Variants in WWC1 observed in about 807,000 individuals in gnomAD.
The protein encoded by WWC1 is protein KIBRA.
A neutral mutation model predicts 138.4 loss-of-function variants in WWC1; 55 were observed. The ratio of observed to expected loss-of-function variants is 0.40; its 90% confidence interval spans 0.32 to 0.50. WWC1 has a LOEUF of 0.50. WWC1 is among the 20% of genes least tolerant of loss of function. The pLI, the probability that WWC1 is intolerant of heterozygous loss-of-function variation, is 0.72. For synonymous variants in WWC1, 524 were observed against 564.9 expected, an observed-to-expected ratio of 0.93 and a Z score of 1.03; for missense variants, 1,226 against 1,420.4, an observed-to-expected ratio of 0.86 and a Z score of 2.20.
chr5:168,432,927 T>C (rs918394424), intron 15 of WWC1, among the ~76,000 whole-genome samples: 3 of 152,216 alleles, frequency 2.0e-5, no homozygotes, highest in South Asian at 2.1e-4. Flanking sequence ...CGCCCCTTTC[T>C]CCTGCTGTAA....
chr5:168,438,721 TG>T (rs903971453), intron 15 of WWC1, among the ~76,000 whole-genome samples: 2 of 152,150 alleles, frequency 1.3e-5, no homozygotes, highest in Non-Finnish European at 2.9e-5. Flanking sequence ...GGCTCATTTT[TG>T]CACATGTCGA....
intron 1 of WWC1, chr5:168,316,888 T>C (rs1238445872): frequency 6.6e-6 from 1 of 152,238 alleles, no homozygotes; most frequent in Non-Finnish European, 1.5e-5. Flanking sequence ...ATTCCCTTTC[T>C]CTTCCCTTCT....
chr5:168,388,841 C>A (rs1235278490), intron 3 of WWC1, among the ~76,000 whole-genome samples: 1 of 149,348 alleles, frequency 6.7e-6, no homozygotes, highest in African/African-American at 2.5e-5. Context: ...AAAAAAAAAA[C>A]AAAAAACAAA....
At chr5:168,440,771 C>G (rs1225480337) in intron 15 of WWC1, among the ~76,000 whole-genome samples, 4 of 152,186 alleles carry the variant, frequency 2.6e-5, no homozygotes, top group Non-Finnish European at 5.9e-5. Flanking sequence ...CCCACCTCAG[C>G]CTCCCAAAGT....
chr5:168,424,068 G>A lies in WWC1; in HGVS notation c.1810G>A (p.Ala604Thr). 1 of 1,590,132 alleles carries A rather than the reference G, an allele frequency of 6.3e-7. No homozygotes were observed. The highest frequency in any genetic ancestry group is 8.6e-7 in the Non-Finnish European group (1 of 1,168,516). ...PGTEGKQLGQ[A>T]VNTAQGCGLK... ...AACGGAGGGCAAGCAGCTGGGCCAAGGTAGAGAGCACCATACCCAGAGGGT... is the reference window on the plus strand; with the variant it reads ...AACGGAGGGCAAGCAGCTGGGCCAAAGTAGAGAGCACCATACCCAGAGGGT... The change falls in exon 11 of 23, where the codon GCT becomes ACT. Residue 604 changes from alanine to threonine, a missense_variant and splice_region_variant. Around this residue, in one of 3 missense-constraint regions of WWC1, gnomAD observed 1,016 missense variants for 1,153.9 expected, o/e 0.88. Transcript: ENST00000265293.
At chr5:168,414,178 C>A (rs1431682114) in intron 8 of WWC1, 170 bp from the exon 9 acceptor site, 2 of 921,320 alleles carry the variant, frequency 2.2e-6, no homozygotes, top group South Asian at 1.8e-5. Context: ...ACATGGTAGG[C>A]ACCCACATGT....
intron 1 of WWC1, among the ~76,000 whole-genome samples, chr5:168,348,294 T>C (rs1439350869): frequency 6.6e-6 from 1 of 152,156 alleles, no homozygotes; most frequent in African/African-American, 2.4e-5. Context: ...AGGGTGAAGC[T>C]CAGGGAGACC....
intron 17 of WWC1, 127 bp downstream of exon 17, chr5:168,444,712 A>C: frequency 1.0e-6 from 1 of 956,040 alleles, no homozygotes; most frequent in Admixed American, 2.1e-5. Flanking sequence ...CCCTCTCCTC[A>C]TGGGTTCTCT....
In WWC1 at chr5:168,444,787, C is replaced by T. The variant is rs149624758; in HGVS notation, c.2525+202C>T. Among the ~76,000 whole-genome samples the T allele has an allele frequency of 4.5e-3, 678 of 151,370 alleles. 8 individuals are homozygous for T. The highest frequency in any genetic ancestry group is 0.015 in the African/African-American group (624 of 41,158). On this transcript the variant is annotated intron_variant, in intron 17 of 22. Transcript: ENST00000265293. ...AGAATTCCTTTCGAATTTGCCATTT[C>T]GTTTCCCATGAATCACCTATGCTAG... is the stretch of plus-strand genomic sequence containing the variant.
chr5:168,332,123 G>T lies in WWC1; in HGVS notation c.120-39301G>T, dbSNP rs188581917. The stretch of plus-strand genomic sequence containing the variant: ...ATCATGCCACTGTACTCCAGCCCAG[G>T]TGACAGAGTGAGATTCTGTCTCAAA... On this transcript the variant is annotated intron_variant, in intron 1 of 22. Coordinates refer to ENST00000265293, the MANE Select transcript of WWC1 (RefSeq NM_015238.3). 3.3e-5 allele frequency among the ~76,000 whole-genome samples: 5 copies of T among 151,132 alleles called. No individual in the cohort carries two copies. In the East Asian group the frequency reaches 7.8e-4, roughly 23 times the overall value.
intron 1 of WWC1, among the ~76,000 whole-genome samples, chr5:168,342,578 A>G (rs1027091485): frequency 6.6e-6 from 1 of 152,184 alleles, no homozygotes; most frequent in African/African-American, 2.4e-5. Context: ...TGTAGGATCT[A>G]GAAAGGCAGA....
intron 9 of WWC1, among the ~76,000 whole-genome samples, chr5:168,418,320 C>T (rs974576025): frequency 3.9e-5 from 6 of 152,200 alleles, no homozygotes; most frequent in African/African-American, 7.2e-5. Context: ...GGTGTGCAGT[C>T]ATGCAGGATA....
intron 11 of WWC1, 113 bp from the exon 12 acceptor site, chr5:168,427,920 C>T: frequency 1.3e-6 from 1 of 775,522 alleles, no homozygotes; most frequent in South Asian, 1.6e-5. Context: ...ATGATTGTGC[C>T]ACTGCACTCC....
chr5:168,316,940 C>T (rs1771650184), intron 1 of WWC1: 3 of 152,160 alleles, frequency 2.0e-5, no homozygotes, highest in Admixed American at 2.0e-4. Flanking sequence ...GAAAATAGTA[C>T]ATTGTTATCA....
chr5:168,316,351 T>C (rs900731941), intron 1 of WWC1, among the ~76,000 whole-genome samples: 3 of 152,154 alleles, frequency 2.0e-5, no homozygotes, highest in Non-Finnish European at 2.9e-5. Flanking sequence ...CATTTCCTTA[T>C]TCTTAACAAG....
chr5:168,363,327 C>G (rs1006113994), intron 1 of WWC1, among the ~76,000 whole-genome samples: 7 of 151,856 alleles, frequency 4.6e-5, no homozygotes, highest in African/African-American at 1.7e-4. Flanking sequence ...AGTTTGAGAC[C>G]AGACTGACAA....
intron 11 of WWC1, among the ~76,000 whole-genome samples, chr5:168,427,691 C>T (rs566378893): frequency 2.0e-5 from 3 of 150,674 alleles, no homozygotes; most frequent in South Asian, 2.1e-4. Flanking sequence ...CAGTCGCTGA[C>T]GCCTGTAATC....
intron 15 of WWC1, among the ~76,000 whole-genome samples, chr5:168,441,247 G>T (rs1295061770): frequency 2.0e-5 from 3 of 152,176 alleles, no homozygotes; most frequent in Admixed American, 2.0e-4. Context: ...TATAGTGGTG[G>T]TTACCAGGAG....
chr5:168,300,570 A>G (rs1240326995), intron 1 of WWC1, among the ~76,000 whole-genome samples: 2 of 140,548 alleles, frequency 1.4e-5, no homozygotes, highest in East Asian at 2.0e-4. Context: ...TTCTCACTCA[A>G]TGGTCAGCCA....
Sources: gnomAD v4.1 joint callset for allele counts (sites outside exome capture counted in the v4.1 genomes callset) on GRCh38, gnomAD v4.1.1 for gene constraint, gnomAD v4.1.1 regional missense constraint, MANE v1.5 for transcripts, NCBI Gene and HGNC (gene_info 2026-07-23, HGNC 2026-07-21) for gene names.